The following ZNF564 variants were observed in gnomAD, a reference collection of about 807,000 sequenced individuals.
ZNF564 encodes the protein zinc finger protein 564.
In ZNF564, 5 loss-of-function variants were observed where a neutral mutation model predicts 10.5. The ratio of observed to expected loss-of-function variants is 0.48; its 90% CI spans 0.25 to 1.00. The LOEUF is 1.00. Among genes scored for constraint, ZNF564 ranks in the 50% least tolerant of loss-of-function variants. ZNF564 has a pLI of 0.16. For missense variants in ZNF564, 603 were observed against 669.7 expected, an observed-to-expected ratio of 0.90 and a Z score of 1.10; for synonymous variants, 242 against 218.1, an observed-to-expected ratio of 1.11 and a Z score of -0.97.
chr19:12,546,331 A>T (rs1157222611), intron 1 of ZNF564, among the ~76,000 whole-genome samples: 3 of 151,920 alleles, frequency 2.0e-5, no homozygotes, highest in Non-Finnish European at 4.4e-5. Flanking sequence ...TGATTAAAAC[A>T]CTCTCCACCA....
intron 1 of ZNF564, among the ~76,000 whole-genome samples, chr19:12,546,495 G>A (rs915893184): frequency 3.9e-5 from 6 of 152,108 alleles, no homozygotes; most frequent in Non-Finnish European, 7.4e-5. Context: ...CTGGGAGGCC[G>A]AGGTGGACGG....
chr19:12,528,370 A>C lies in ZNF564; in HGVS notation c.131-6T>G. Reference sequence around the variant, plus strand: ...CTGGTCTTCCCATTTTTTTCCTAAAATATAGTCAGAAAAAATCCTTATGAA... The same window carrying C: ...CTGGTCTTCCCATTTTTTTCCTAAACTATAGTCAGAAAAAATCCTTATGAA... On this transcript the variant is annotated splice_polypyrimidine_tract_variant and splice_region_variant and intron_variant, in intron 2 of 3. Coordinates refer to ENST00000339282, the MANE Select transcript of ZNF564 (RefSeq NM_144976.4). 1 of 1,601,466 alleles carries C rather than the reference A, an allele frequency of 6.2e-7. No homozygotes were observed. Among genetic ancestry groups the C allele is most frequent in the Non-Finnish European group, 8.5e-7 (1 of 1,177,008 alleles).
chr19:12,550,839 T>G (rs1014554724), intron 1 of ZNF564, among the ~76,000 whole-genome samples: 2 of 152,108 alleles, frequency 1.3e-5, no homozygotes, highest in African/African-American at 4.8e-5. Context: ...GGCATTTATT[T>G]CCAGCCCCAG....
chr19:12,533,994 A>G (rs2021859805), intron 1 of ZNF564, among the ~76,000 whole-genome samples: 1 of 152,102 alleles, frequency 6.6e-6, no homozygotes, highest in Non-Finnish European at 1.5e-5. Flanking sequence ...AAAAGTAAAA[A>G]CTAAAGAACA....
intron 1 of ZNF564, among the ~76,000 whole-genome samples, chr19:12,537,311 ATACT>A (rs2021934896): frequency 6.6e-6 from 1 of 152,236 alleles, no homozygotes; most frequent in Non-Finnish European, 1.5e-5. Context: ...GGTTAGGTAT[ATACT>A]GAACATGTAC....
Position 12,537,904 on chromosome 19 carries a change from G to A in ZNF564, c.4-9208C>T, listed in dbSNP as rs2021952003. On this transcript the variant is annotated intron_variant, in intron 1 of 3. Coordinates refer to ENST00000339282, the MANE Select transcript of ZNF564 (RefSeq NM_144976.4). ...TTCTAAGTGCGTGTGTGGGGTGGGG[G>A]AAGTTCTTGGAAGTTCTACATGTAA... Among the ~76,000 whole-genome samples the A allele has an allele frequency of 3.3e-5, 5 of 152,134 alleles. No individual in the cohort carries two copies. In the South Asian group the frequency reaches 1.0e-3, roughly 32 times the overall value.
At chr19:12,540,275 C>T (rs1212817758) in intron 1 of ZNF564, among the ~76,000 whole-genome samples, 1 of 152,220 alleles carries the variant, frequency 6.6e-6, no homozygotes, top group African/African-American at 2.4e-5. Context: ...CTGACATTCC[C>T]TTTACAATGT....
rs750887571 is a variant in ZNF564 at position 12,527,359 on chromosome 19, T to A, written c.749A>T (p.Asp250Val). ...FQRHMIRHTG[D>V]GPYKCQECGK... is the part of the protein sequence containing the mutation. ...ACATTCCTGACATTTATAAGGTCCATCTCCAGTGTGCCTAATCATGTGTCT... is the reference window on the plus strand; with the variant it reads ...ACATTCCTGACATTTATAAGGTCCAACTCCAGTGTGCCTAATCATGTGTCT... The change falls in exon 4 of 4, where the codon GAT becomes GTT. Residue 250 changes from aspartate (D) to valine (V), a missense_variant. Transcript: ENST00000339282. 6.2e-6 allele frequency: 10 copies of A among 1,614,036 alleles called. No individual in the cohort carries two copies. In the Admixed American group the frequency reaches 1.7e-4, roughly 27 times the overall value.
chr19:12,542,369 T>C (rs2022072749), intron 1 of ZNF564, among the ~76,000 whole-genome samples: 2 of 146,722 alleles, frequency 1.4e-5, no homozygotes, highest in South Asian at 4.3e-4. Flanking sequence ...GGCACACACA[T>C]GGAATCCCAG....
At chr19:12,549,798 G>T (rs2022218305) in intron 1 of ZNF564, among the ~76,000 whole-genome samples, 1 of 152,152 alleles carries the variant, frequency 6.6e-6, no homozygotes, top group Non-Finnish European at 1.5e-5. Context: ...GTGACCCAGG[G>T]GTTGATAATC....
At chr19:12,538,958 T>G (rs545027085) in intron 1 of ZNF564, among the ~76,000 whole-genome samples, 7 of 152,190 alleles carry the variant, frequency 4.6e-5, no homozygotes, top group African/African-American at 1.4e-4. Flanking sequence ...CCAGGCGTGG[T>G]GGCTCACGTC....
At chr19:12,541,929 C>T (rs996737747) in intron 1 of ZNF564, among the ~76,000 whole-genome samples, 31 of 147,414 alleles carry the variant, frequency 2.1e-4, no homozygotes, top group East Asian at 2.0e-4. Flanking sequence ...GCCGAGGAAT[C>T]GCTTGAACCC....
intron 1 of ZNF564, among the ~76,000 whole-genome samples, chr19:12,537,454 C>G (rs909518028): frequency 3.8e-4 from 58 of 152,224 alleles, no homozygotes; most frequent in Middle Eastern, 3.4e-3. Flanking sequence ...ACAATGTTTT[C>G]TAAGCCGGGC....
chr19:12,551,412 G>A lies in ZNF564; in HGVS notation c.-80C>T, dbSNP rs2022260013. Reference sequence around the variant, plus strand: ...CAGGTCCCAGCGCGCCAGACGCTGCGGTGGAGCCACCGGGGCCACTGGAGA... The same window carrying A: ...CAGGTCCCAGCGCGCCAGACGCTGCAGTGGAGCCACCGGGGCCACTGGAGA... On this transcript the variant is annotated 5_prime_UTR_variant, in exon 1 of 4. Coordinates refer to ENST00000339282, the MANE Select transcript of ZNF564 (RefSeq NM_144976.4). 4 of 1,481,282 alleles carry A rather than the reference G, an allele frequency of 2.7e-6. No individual in the cohort carries two copies. The highest frequency in any genetic ancestry group is 1.4e-5 in the African/African-American group (1 of 69,378). 91.8% of individuals were successfully genotyped at this position (1,481,282 alleles called of 1,614,324 possible).
intron 1 of ZNF564, among the ~76,000 whole-genome samples, chr19:12,537,366 A>G (rs1429078722): frequency 6.6e-6 from 1 of 152,044 alleles, no homozygotes; most frequent in South Asian, 2.1e-4. Context: ...ACAACACAAT[A>G]TAACAACTAT....
chr19:12,547,096 G>A (rs1341201934), intron 1 of ZNF564, among the ~76,000 whole-genome samples: 2 of 152,192 alleles, frequency 1.3e-5, no homozygotes, highest in Non-Finnish European at 2.9e-5. Context: ...GGGAGACAGG[G>A]TCTTGCTCTG....
At chr19:12,533,323 CA>C (rs1348232084) in intron 1 of ZNF564, among the ~76,000 whole-genome samples, 1 of 152,002 alleles carries the variant, frequency 6.6e-6, no homozygotes, top group Non-Finnish European at 1.5e-5. Context: ...AAAATGAAAA[CA>C]AAATTTATCA....
intron 1 of ZNF564, among the ~76,000 whole-genome samples, chr19:12,540,599 A>T (rs1027700652): frequency 1.3e-4 from 20 of 152,132 alleles, no homozygotes; most frequent in Admixed American, 9.8e-4. Flanking sequence ...TCATGCCTGT[A>T]ATCCCAGCAC....
At chr19:12,536,633 C>T (rs920890576) in intron 1 of ZNF564, among the ~76,000 whole-genome samples, 1 of 152,054 alleles carries the variant, frequency 6.6e-6, no homozygotes, top group Non-Finnish European at 1.5e-5. Flanking sequence ...TAAATTAGGG[C>T]CTTGGTTACC....
Sources: gnomAD v4.1 joint callset for allele counts (sites outside exome capture counted in the v4.1 genomes callset) on GRCh38, gnomAD v4.1.1 for gene constraint, MANE v1.5 for transcripts, NCBI Gene and HGNC (gene_info 2026-07-23, HGNC 2026-07-21) for gene names.